Variants in ADGRB3 observed in about 807,000 individuals in gnomAD.
ADGRB3 encodes adhesion G protein-coupled receptor B3.
Under a neutral mutation model 193.4 loss-of-function variants are expected in ADGRB3, and 37 were observed. That is an observed-to-expected ratio of 0.19 (90% CI 0.15 to 0.25). The LOEUF (loss-of-function observed/expected upper bound fraction) is 0.25. Ranked by LOEUF, ADGRB3 falls within the 10% of genes least tolerant of loss-of-function variation. ADGRB3 has a pLI of 1.00. For missense variants in ADGRB3, 1,637 were observed against 1,852.9 expected (o/e 0.88, Z 2.14); for synonymous variants, 690 against 644.2 (o/e 1.07, Z -1.08).
intron 3 of ADGRB3, among the ~76,000 whole-genome samples, chr6:68,894,501 G>T (rs1766166198): frequency 6.6e-6 from 1 of 151,856 alleles, no homozygotes; most frequent in African/African-American, 2.4e-5. Flanking sequence ...ACTCCAAAAT[G>T]CTGAAAATTA....
chr6:68,796,344 G>A (rs1411990849), intron 3 of ADGRB3, among the ~76,000 whole-genome samples: 1 of 151,900 alleles, frequency 6.6e-6, no homozygotes, highest in Non-Finnish European at 1.5e-5. Flanking sequence ...TTGAAGCCTT[G>A]TATTAATATA....
intron 31 of ADGRB3, among the ~76,000 whole-genome samples, chr6:69,387,558 G>T (rs1345527633): frequency 6.6e-6 from 1 of 151,986 alleles, no homozygotes; most frequent in African/African-American, 2.4e-5. Context: ...GTTATGGTAA[G>T]TGTTTTTGTT....
In ADGRB3 at chr6:68,674,380, AT is replaced by A. The variant is rs1370067825; in HGVS notation, c.757+34949del. Among the ~76,000 whole-genome samples, 3 of 152,342 alleles carry A rather than the reference AT, an allele frequency of 2.0e-5. No individual in the cohort carries two copies. The East Asian group carries it at 5.8e-4, about 29-fold the overall frequency. On this transcript the variant is annotated intron_variant, in intron 3 of 31. Transcript: ENST00000370598. ...TTTTTTGCCACAAATAGTGATAAAA[AT>A]ATTATACATTAAAAATGCAACCACT...
At chr6:68,953,382 C>G (rs906880395) in intron 6 of ADGRB3, among the ~76,000 whole-genome samples, 2 of 152,162 alleles carry the variant, frequency 1.3e-5, no homozygotes, top group African/African-American at 4.8e-5. Context: ...ATGTGGATAA[C>G]TGTACATCCT....
intron 3 of ADGRB3, among the ~76,000 whole-genome samples, chr6:68,778,068 C>T (rs932854686): frequency 1.3e-5 from 2 of 152,044 alleles, no homozygotes; most frequent in African/African-American, 4.8e-5. Flanking sequence ...TGGAACTGGC[C>T]TTTTAGCCAG....
intron 24 of ADGRB3, 91 bp from the exon 25 acceptor site, chr6:69,338,825 A>T: frequency 9.8e-7 from 1 of 1,021,370 alleles, no homozygotes; most frequent in South Asian, 1.4e-5. Context: ...TCTGCATGAA[A>T]TCGTATTTAA....
chr6:69,031,557 T>TTC (rs1770703567), intron 13 of ADGRB3, among the ~76,000 whole-genome samples: 1 of 129,086 alleles, frequency 7.7e-6, no homozygotes, highest in Non-Finnish European at 1.7e-5. Flanking sequence ...TTCTTTTTCT[T>TTC]TCTTTCTTTT....
At chr6:69,203,908 A>G (rs994723441) in intron 17 of ADGRB3, among the ~76,000 whole-genome samples, 3 of 152,130 alleles carry the variant, frequency 2.0e-5, no homozygotes, top group Non-Finnish European at 4.4e-5. Context: ...ATTTGTATAT[A>G]CGTGTGTCTT....
chr6:68,885,699 C>T (rs1289571950), intron 3 of ADGRB3, among the ~76,000 whole-genome samples: 1 of 152,046 alleles, frequency 6.6e-6, no homozygotes, highest in African/African-American at 2.4e-5. Flanking sequence ...AGATATTGAT[C>T]AAAGATACAA....
intron 17 of ADGRB3, among the ~76,000 whole-genome samples, chr6:69,160,097 A>G (rs946345189): frequency 1.3e-5 from 2 of 152,264 alleles, no homozygotes; most frequent in African/African-American, 4.8e-5. Context: ...ACTGAAATAG[A>G]ATTCTAATTA....
At chr6:68,822,037 G>A (rs1370591419) in intron 3 of ADGRB3, among the ~76,000 whole-genome samples, 1 of 151,840 alleles carries the variant, frequency 6.6e-6, no homozygotes, top group Non-Finnish European at 1.5e-5. Flanking sequence ...TATACAGCTA[G>A]TAGGTAAGAG....
Position 68,852,401 on chromosome 6 carries a change from G to T in ADGRB3, c.758-78158G>T, listed in dbSNP as rs567962097. ...AACATTGAAAAATTATAAATACATG[G>T]TAATAGACCTCTAACAAAAATGCTC... On this transcript the variant is annotated intron_variant, in intron 3 of 31. Transcript: ENST00000370598. Among the ~76,000 whole-genome samples the T allele has an allele frequency of 4.0e-3, 611 of 151,944 alleles. 2 individuals are homozygous for T. The highest frequency in any genetic ancestry group is 6.1e-3 in the Non-Finnish European group (417 of 67,808).
chr6:68,674,833 T>G (rs1166227238), intron 3 of ADGRB3, among the ~76,000 whole-genome samples: 14 of 152,160 alleles, frequency 9.2e-5, no homozygotes, highest in Admixed American at 9.2e-4. Flanking sequence ...GAGGCAAAAT[T>G]TAATTCAAAA....
At chr6:69,304,843 T>C (rs1768030496) in intron 20 of ADGRB3, among the ~76,000 whole-genome samples, 1 of 151,578 alleles carries the variant, frequency 6.6e-6, no homozygotes, top group Admixed American at 6.6e-5. Flanking sequence ...ATTTTCTAAA[T>C]GGTTTGCAAG....
At chr6:69,355,748 T>C in intron 27 of ADGRB3, 73 bp from the exon 28 acceptor site, 1 of 1,219,854 alleles carries the variant, frequency 8.2e-7, no homozygotes, top group Non-Finnish European at 1.2e-6. Flanking sequence ...AAACTTCAGA[T>C]AATCTGATTA....
At chr6:69,060,202 C>A (rs185348536) in intron 15 of ADGRB3, among the ~76,000 whole-genome samples, 2 of 145,560 alleles carry the variant, frequency 1.4e-5, no homozygotes, top group African/African-American at 5.2e-5. Flanking sequence ...CTCTCTCTTT[C>A]TCTGTCTCTC....
intron 3 of ADGRB3, among the ~76,000 whole-genome samples, chr6:68,765,458 G>A (rs1197725536): frequency 6.6e-6 from 1 of 151,608 alleles, no homozygotes; most frequent in East Asian, 1.9e-4. Flanking sequence ...TTCTTTATGT[G>A]ATGAAATTAC....
At chr6:69,089,751 C>A (rs1772652315) in intron 17 of ADGRB3, among the ~76,000 whole-genome samples, 1 of 152,114 alleles carries the variant, frequency 6.6e-6, no homozygotes, top group South Asian at 2.1e-4. Context: ...CTTTCTCTAC[C>A]AAGTAGGAGC....
intron 3 of ADGRB3, among the ~76,000 whole-genome samples, chr6:68,920,608 G>A (rs1418632929): frequency 6.6e-6 from 1 of 150,474 alleles, no homozygotes; most frequent in East Asian, 1.9e-4. Flanking sequence ...TGGATACTAC[G>A]AGTGAGTAGA....
Sources: gnomAD v4.1 joint callset for allele counts (sites outside exome capture counted in the v4.1 genomes callset) on GRCh38, gnomAD v4.1.1 for gene constraint, MANE v1.5 for transcripts, NCBI Gene and HGNC (gene_info 2026-07-23, HGNC 2026-07-21) for gene names.